The following DCLK1 variants were observed in gnomAD, a reference collection of about 807,000 sequenced individuals.
DCLK1 encodes the protein doublecortin like kinase 1.
Under a neutral mutation model 86.2 loss-of-function variants are expected in DCLK1, and 16 were observed. The observed-to-expected ratio is 0.19, with a 90% CI of 0.13 to 0.28. The LOEUF (loss-of-function observed/expected upper bound fraction) is 0.28. Ranked by LOEUF, DCLK1 falls within the 10% of genes least tolerant of loss-of-function variation. DCLK1 has a pLI of 1.00. For synonymous variants in DCLK1, 369 were observed against 370.5 expected (o/e 1.00, Z 0.05); for missense variants, 590 against 940.2 (o/e 0.63, Z 4.87).
chr13:36,037,538 C>A (rs1882548921), intron 3 of DCLK1, among the ~76,000 whole-genome samples: 1 of 152,048 alleles, frequency 6.6e-6, no homozygotes, highest in African/African-American at 2.4e-5. Flanking sequence ...GGCTGGAGTG[C>A]AGTGGTGCGA....
chr13:35,952,698 T>G (rs982619847), intron 3 of DCLK1, among the ~76,000 whole-genome samples: 1 of 152,232 alleles, frequency 6.6e-6, no homozygotes, highest in African/African-American at 2.4e-5. Flanking sequence ...ACACTTAATA[T>G]TCTGTTGACT....
intron 11 of DCLK1, among the ~76,000 whole-genome samples, chr13:35,814,768 G>A (rs1405232748): frequency 2.0e-5 from 3 of 152,164 alleles, no homozygotes; most frequent in Non-Finnish European, 4.4e-5. Context: ...AGTATGTAGT[G>A]CTTTCACTGT....
chr13:35,827,240 G>C (rs1442284690), intron 10 of DCLK1, among the ~76,000 whole-genome samples: 3 of 152,164 alleles, frequency 2.0e-5, no homozygotes, highest in Non-Finnish European at 4.4e-5. Flanking sequence ...AAGATGGCTG[G>C]TACCTTTGGA....
intron 3 of DCLK1, among the ~76,000 whole-genome samples, chr13:35,986,666 G>A (rs1007865391): frequency 6.6e-5 from 10 of 152,072 alleles, no homozygotes; most frequent in African/African-American, 9.7e-5. Flanking sequence ...TCGCTCACTC[G>A]CAGCTTTCTG....
At position 36,131,123 on chromosome 13, in the gene DCLK1, G is replaced by T. The variant is rs1401124359; in HGVS notation, c.-29C>A. On this transcript the variant is annotated 5_prime_UTR_variant, in exon 1 of 17. Transcript: ENST00000360631. ...AAGGCAAACCACGCACCGGTCCGCG[G>T]AGAGACGCCGCCGGGGGTCTTTGTG... is the stretch of plus-strand genomic sequence containing the variant. 1.3e-5 allele frequency: 2 copies of T among 151,342 alleles called. No individual in the cohort carries two copies. The highest frequency in any genetic ancestry group is 1.8e-4 in the South Asian group (1 of 5,468). 9.4% of individuals were successfully genotyped at this position (151,342 alleles called of 1,614,324 possible).
At chr13:35,927,462 A>C (rs1876187162) in intron 4 of DCLK1, among the ~76,000 whole-genome samples, 1 of 152,222 alleles carries the variant, frequency 6.6e-6, no homozygotes, top group African/African-American at 2.4e-5. Context: ...GCAAAGATCC[A>C]AAGTCTCTGA....
chr13:35,800,634 T>C (rs1403822692), intron 15 of DCLK1, among the ~76,000 whole-genome samples: 1 of 152,172 alleles, frequency 6.6e-6, no homozygotes, highest in Non-Finnish European at 1.5e-5. Flanking sequence ...CAAGTGACTT[T>C]TGCGGAGTAG....
chr13:35,856,960 G>A (rs73512194), intron 5 of DCLK1, among the ~76,000 whole-genome samples: 6,697 of 152,138 alleles, frequency 0.044, 389 homozygotes, highest in East Asian at 0.2. Flanking sequence ...TCTAACCTAG[G>A]CAGTTCAAAA....
At chr13:36,075,398 G>A (rs1450144229) in intron 3 of DCLK1, among the ~76,000 whole-genome samples, 1 of 152,174 alleles carries the variant, frequency 6.6e-6, no homozygotes, top group African/African-American at 2.4e-5. Context: ...AAATATGAAT[G>A]AGGATGAAAT....
chr13:35,900,780 A>G (rs1874306985), intron 4 of DCLK1, among the ~76,000 whole-genome samples: 1 of 152,130 alleles, frequency 6.6e-6, no homozygotes, highest in Non-Finnish European at 1.5e-5. Flanking sequence ...GTCTCCACAC[A>G]CTGCCAAATG....
intron 3 of DCLK1, among the ~76,000 whole-genome samples, chr13:36,074,602 A>G (rs1236519902): frequency 6.6e-6 from 1 of 151,776 alleles, no homozygotes; most frequent in Non-Finnish European, 1.5e-5. Flanking sequence ...ATAGCAAGTG[A>G]CTGAAAAAAT....
intron 3 of DCLK1, among the ~76,000 whole-genome samples, chr13:36,084,466 A>G (rs1476800792): frequency 6.6e-6 from 1 of 152,214 alleles, no homozygotes. Context: ...GATATAAACA[A>G]ATTTGAAGTT....
At chr13:35,947,622 G>A (rs1168395235) in intron 3 of DCLK1, among the ~76,000 whole-genome samples, 165 bp from the exon 4 acceptor site, 3 of 152,182 alleles carry the variant, frequency 2.0e-5, no homozygotes, top group Non-Finnish European at 4.4e-5. Flanking sequence ...TCTGTTACTA[G>A]TAAGAAACAT....
intron 16 of DCLK1, among the ~76,000 whole-genome samples, chr13:35,784,792 C>T (rs1241218517): frequency 6.6e-6 from 1 of 152,124 alleles, no homozygotes; most frequent in Non-Finnish European, 1.5e-5. Flanking sequence ...CAACTAGCCA[C>T]CGAGCAACCT....
Position 36,015,937 on chromosome 13 carries a change from G to C in DCLK1, c.724-68480C>G, listed in dbSNP as rs1336464490. Reference sequence around the variant, plus strand: ...CTTCTGCAAATCCAAGCATAAACAGGTTTAGAAATTAGAACCAGTTAACCA... The same window carrying C: ...CTTCTGCAAATCCAAGCATAAACAGCTTTAGAAATTAGAACCAGTTAACCA... On this transcript the variant is annotated intron_variant, in intron 3 of 16. Transcript: ENST00000360631. Among the ~76,000 whole-genome samples the C allele has an allele frequency of 2.6e-5, 4 of 152,236 alleles. No homozygotes were observed. The East Asian group carries it at 7.7e-4, about 29-fold the overall frequency.
In DCLK1 at chr13:35,794,172, A is replaced by G. The variant is rs1197847121; in HGVS notation, c.1945-693T>C. Among the ~76,000 whole-genome samples the G allele has an allele frequency of 1.3e-5, 2 of 152,238 alleles. 1 individual carries two copies. The highest frequency in any genetic ancestry group is 6.3e-3 in the Middle Eastern group (2 of 316). ...TGTACTAAATACTGTTAGAATCACA[A>G]TAACCAGGGTCATAAGTATGTGCCA... On this transcript the variant is annotated intron_variant, in intron 15 of 16. Coordinates refer to ENST00000360631, the MANE Select transcript of DCLK1 (RefSeq NM_001330071.2).
chr13:35,850,370 T>C, intron 6 of DCLK1: 1 of 1,006,262 alleles, frequency 9.9e-7, no homozygotes, highest in Non-Finnish European at 1.2e-6. Context: ...GAAAACTCCA[T>C]CTGCAGAAAT....
At chr13:35,863,698 C>T (rs1025397806) in intron 5 of DCLK1, among the ~76,000 whole-genome samples, 1 of 152,170 alleles carries the variant, frequency 6.6e-6, no homozygotes. Flanking sequence ...AGGCTGAATT[C>T]TCTACACTAA....
rs1566600250 is a variant in DCLK1 at position 35,914,350 on chromosome 13, C to CGT, written c.823+33007_823+33008insAC. Among the ~76,000 whole-genome samples the CGT allele has an allele frequency of 7.5e-4, 71 of 94,068 alleles. 1 individual carries two copies. The highest frequency in any genetic ancestry group is 1.1e-3 in the Non-Finnish European group (57 of 51,042). The allele number at this position is 94,068 out of a possible 152,430, so 61.7% of individuals were successfully genotyped here. Reference sequence around the variant, plus strand: ...AAAAAAAAATATATATATATATATACATATATATATATATATATGTATATA... The same window carrying CGT: ...AAAAAAAAATATATATATATATATACGTATATATATATATATATATGTATATA... On this transcript the variant is annotated intron_variant, in intron 4 of 16. Coordinates refer to ENST00000360631, the MANE Select transcript of DCLK1 (RefSeq NM_001330071.2).
Sources: gnomAD v4.1 joint callset for allele counts (sites outside exome capture counted in the v4.1 genomes callset) on GRCh38, gnomAD v4.1.1 for gene constraint, MANE v1.5 for transcripts, NCBI Gene and HGNC (gene_info 2026-07-23, HGNC 2026-07-21) for gene names.